TBCA: variants seen among roughly 807,000 people sequenced by gnomAD.
TBCA encodes the protein tubulin folding cofactor A.
Under a neutral mutation model 15.8 loss-of-function variants are expected in TBCA, and 6 were observed. The observed-to-expected ratio is 0.38, with a 90% CI of 0.21 to 0.75. TBCA has a LOEUF of 0.75. Among genes scored for constraint, TBCA ranks in the 30% least tolerant of loss-of-function variants. The pLI, the probability that TBCA is intolerant of heterozygous loss-of-function variation, is 0.46. For synonymous variants in TBCA, 32 were observed against 42.3 expected (o/e 0.76, Z 0.94); for missense variants, 90 against 131.2 (o/e 0.69, Z 1.53).
chr5:77,771,031 G>A (rs1321417853), intron 1 of TBCA, among the ~76,000 whole-genome samples: 5 of 152,130 alleles, frequency 3.3e-5, no homozygotes, highest in African/African-American at 9.7e-5. Context: ...AGGAGGCTGA[G>A]GCAGGGATGA....
chr5:77,696,353 C>G (rs192309145), intron 2 of TBCA, among the ~76,000 whole-genome samples: 152 of 152,214 alleles, frequency 1.0e-3, no homozygotes, highest in African/African-American at 3.4e-3. Context: ...GTACTCACTT[C>G]TCAGGAAATC....
intron 1 of TBCA, among the ~76,000 whole-genome samples, chr5:77,741,482 C>G (rs755588440): frequency 6.6e-6 from 1 of 151,812 alleles, no homozygotes; most frequent in African/African-American, 2.4e-5. Context: ...TTTGATGGTG[C>G]GTGGGGCACA....
chr5:77,726,360 C>T (rs1460896929), intron 1 of TBCA, among the ~76,000 whole-genome samples: 1 of 152,186 alleles, frequency 6.6e-6, no homozygotes, highest in Non-Finnish European at 1.5e-5. Context: ...TCGTTGAATT[C>T]TATTTCAGTA....
At chr5:77,722,283 T>G (rs1746544398) in intron 1 of TBCA, among the ~76,000 whole-genome samples, 1 of 152,070 alleles carries the variant, frequency 6.6e-6, no homozygotes, top group South Asian at 2.1e-4. Flanking sequence ...GCCAGCTGAC[T>G]CTAACTTGTA....
chr5:77,751,058 G>C (rs892098514), intron 1 of TBCA, among the ~76,000 whole-genome samples: 3 of 151,564 alleles, frequency 2.0e-5, no homozygotes, highest in African/African-American at 7.3e-5. Flanking sequence ...GACTGTAATT[G>C]TTATCACACT....
At chr5:77,693,116 CATTA>C in intron 3 of TBCA, 146 bp downstream of exon 3, 1 of 1,493,600 alleles carries the variant, frequency 6.7e-7, no homozygotes, top group Admixed American at 2.5e-5. Context: ...ATTTAAACTC[CATTA>C]ATTATTTTAA....
At chr5:77,718,438 G>A (rs1463236467) in intron 1 of TBCA, among the ~76,000 whole-genome samples, 1 of 152,134 alleles carries the variant, frequency 6.6e-6, no homozygotes, top group Non-Finnish European at 1.5e-5. Context: ...TTGGATGCAG[G>A]AAGAAAAAAG....
chr5:77,722,890 TAAC>T (rs1221763005), intron 1 of TBCA, among the ~76,000 whole-genome samples: 4 of 151,816 alleles, frequency 2.6e-5, no homozygotes, highest in African/African-American at 9.7e-5. Context: ...AATGTGGCAT[TAAC>T]AATAGCAAAA....
At chr5:77,761,217 AAGAG>A (rs1183014393) in intron 1 of TBCA, among the ~76,000 whole-genome samples, 1 of 151,976 alleles carries the variant, frequency 6.6e-6, no homozygotes, top group Non-Finnish European at 1.5e-5. Context: ...GGGGAAAAGA[AAGAG>A]AGATCAGATT....
chr5:77,745,620 T>C (rs1747168951), intron 1 of TBCA, among the ~76,000 whole-genome samples: 1 of 152,212 alleles, frequency 6.6e-6, no homozygotes, highest in Non-Finnish European at 1.5e-5. Context: ...TAAGAACTGG[T>C]GATGGTATAG....
intron 1 of TBCA, among the ~76,000 whole-genome samples, chr5:77,724,090 C>T (rs959055562): frequency 1.7e-4 from 26 of 151,992 alleles, no homozygotes; most frequent in African/African-American, 5.1e-4. Flanking sequence ...TTTGTGTACA[C>T]GAATCTTCAA....
chr5:77,771,320 T>C (rs1043542907), intron 1 of TBCA, among the ~76,000 whole-genome samples: 1 of 152,258 alleles, frequency 6.6e-6, no homozygotes, highest in South Asian at 2.1e-4. Context: ...CTGGAAGATA[T>C]TTAAGGAGCC....
At chr5:77,733,497 G>A (rs1422773146) in intron 1 of TBCA, among the ~76,000 whole-genome samples, 1 of 152,170 alleles carries the variant, frequency 6.6e-6, no homozygotes, top group Non-Finnish European at 1.5e-5. Context: ...AAGTTTTAGT[G>A]ATCTGGATAG....
chr5:77,731,515 T>C (rs1242600943), intron 1 of TBCA, among the ~76,000 whole-genome samples: 2 of 152,228 alleles, frequency 1.3e-5, no homozygotes, highest in Non-Finnish European at 2.9e-5. Flanking sequence ...CATCCAATCC[T>C]ATTTTTTCTT....
At chr5:77,721,641 A>G (rs1746532048) in intron 1 of TBCA, among the ~76,000 whole-genome samples, 1 of 152,138 alleles carries the variant, frequency 6.6e-6, no homozygotes, top group Non-Finnish European at 1.5e-5. Flanking sequence ...TTAAAAAACT[A>G]CGTTATAAGT....
At chr5:77,717,786 C>G (rs760933805) in intron 1 of TBCA, among the ~76,000 whole-genome samples, 6 of 148,930 alleles carry the variant, frequency 4.0e-5, no homozygotes, top group Admixed American at 1.4e-4. Flanking sequence ...GAGCTGAGAT[C>G]GTGCCATTAC....
At chr5:77,756,972 AAT>A (rs1295162003) in intron 1 of TBCA, among the ~76,000 whole-genome samples, 1 of 152,238 alleles carries the variant, frequency 6.6e-6, no homozygotes, top group African/African-American at 2.4e-5. Flanking sequence ...GGTAAGGAGC[AAT>A]AGAGTGTAAG....
rs899942649 is a variant in TBCA at position 77,714,006 on chromosome 5, A to G, written c.54-5659T>C. 1.1e-4 allele frequency among the ~76,000 whole-genome samples: 4 copies of G among 37,118 alleles called. No individual in the cohort carries two copies. In the South Asian group the frequency reaches 2.9e-3, roughly 27 times the overall value. The allele number at this position is 37,118 out of a possible 152,430, so 24.4% of individuals were successfully genotyped here. A position where few individuals can be genotyped will look rare whatever the true frequency, so the allele number is the denominator to read the frequency against. On this transcript the variant is annotated intron_variant, in intron 1 of 3. Coordinates refer to ENST00000380377, the MANE Select transcript of TBCA (RefSeq NM_004607.3). ...TTTTAGACGCACACAGAATCCATTG[A>G]AAAAAAAAAAAAACCCCATCTATGT...
chr5:77,732,476 G>A (rs550485281), intron 1 of TBCA, among the ~76,000 whole-genome samples: 14 of 150,298 alleles, frequency 9.3e-5, no homozygotes, highest in East Asian at 3.9e-4. Flanking sequence ...GCATGGACCC[G>A]GGAGGCAGAG....
Sources: gnomAD v4.1 joint callset for allele counts (sites outside exome capture counted in the v4.1 genomes callset) on GRCh38, gnomAD v4.1.1 for gene constraint, MANE v1.5 for transcripts, NCBI Gene and HGNC (gene_info 2026-07-23, HGNC 2026-07-21) for gene names.